The following HLCS variants were observed in gnomAD, a reference collection of about 807,000 sequenced individuals.
HLCS encodes the protein biotin--protein ligase.
In HLCS, 53 loss-of-function variants were observed where a neutral mutation model predicts 75.0. The observed-to-expected ratio is 0.71, with a 90% CI of 0.57 to 0.89. The LOEUF is 0.89. HLCS is among the 40% of genes least tolerant of loss of function. HLCS has a pLI of 0.00. For synonymous variants in HLCS, 431 were observed against 428.6 expected (o/e 1.01, Z -0.07); for missense variants, 966 against 1,074.0 (o/e 0.90, Z 1.41).
At chr21:36,870,169 C>G (rs1048830294) in intron 6 of HLCS, among the ~76,000 whole-genome samples, 4 of 152,120 alleles carry the variant, frequency 2.6e-5, no homozygotes, top group Non-Finnish European at 5.9e-5. Flanking sequence ...CCCAGTACTG[C>G]TATTAGGAGT....
In HLCS at chr21:36,864,028, G is replaced by GA. The variant is rs571483718; in HGVS notation, c.1892+32831dup. ...TTGGGATCAATATTGACATTTAAAT[G>GA]AAACTATTATATCACTCTTGTAAGT... is the stretch of plus-strand genomic sequence containing the variant. On this transcript the variant is annotated intron_variant, in intron 6 of 10. Transcript: ENST00000674895. Among the ~76,000 whole-genome samples the GA allele has an allele frequency of 7.2e-4, 110 of 152,314 alleles. 2 individuals carry two copies. The East Asian group carries it at 0.012, about 17-fold the overall frequency.
intron 6 of HLCS, among the ~76,000 whole-genome samples, chr21:36,837,114 C>T (rs1295828445): frequency 2.6e-5 from 4 of 152,134 alleles, no homozygotes; most frequent in African/African-American, 4.8e-5. Flanking sequence ...ACCTGGGAGG[C>T]GGAGGTTGCA....
intron 6 of HLCS, among the ~76,000 whole-genome samples, chr21:36,795,907 GA>G (rs1369749277): frequency 1.3e-5 from 2 of 152,004 alleles, no homozygotes; most frequent in Non-Finnish European, 2.9e-5. Flanking sequence ...TCATTCAGTG[GA>G]AAAAAGAAAA....
At chr21:36,785,485 C>T (rs1404041670) in intron 6 of HLCS, among the ~76,000 whole-genome samples, 1 of 152,192 alleles carries the variant, frequency 6.6e-6, no homozygotes, top group African/African-American at 2.4e-5. Context: ...CCCTTGAGAC[C>T]TGGGTGGATT....
intron 6 of HLCS, among the ~76,000 whole-genome samples, chr21:36,857,009 T>A (rs1198702698): frequency 6.6e-6 from 1 of 152,252 alleles, no homozygotes; most frequent in African/African-American, 2.4e-5. Flanking sequence ...AAGTCACGCA[T>A]GTCCATTGCA....
intron 5 of HLCS, among the ~76,000 whole-genome samples, chr21:36,910,420 C>T (rs2065649436): frequency 6.6e-6 from 1 of 152,036 alleles, no homozygotes; most frequent in Admixed American, 6.6e-5. Context: ...GTGATGGACA[C>T]CTGTAGTCCC....
At chr21:36,941,065 A>G (rs1047253616) in intron 2 of HLCS, among the ~76,000 whole-genome samples, 1 of 152,198 alleles carries the variant, frequency 6.6e-6, no homozygotes, top group East Asian at 1.9e-4. Flanking sequence ...CACAAAAATT[A>G]GCCAGGCGTT....
At chr21:36,768,841 TAAG>T (rs899630500) in intron 6 of HLCS, among the ~76,000 whole-genome samples, 9 of 152,208 alleles carry the variant, frequency 5.9e-5, no homozygotes, top group Non-Finnish European at 1.2e-4. Flanking sequence ...GCAGAAAATC[TAAG>T]AAGGAGTCTT....
intron 6 of HLCS, 98 bp downstream of exon 6, chr21:36,896,762 T>C: frequency 7.3e-7 from 1 of 1,369,512 alleles, no homozygotes; most frequent in Non-Finnish European, 1.0e-6. Context: ...GTCAAACGTA[T>C]TCCTCTACAA....
chr21:36,854,625 T>TA (rs2063124035), intron 6 of HLCS, among the ~76,000 whole-genome samples: 1 of 152,106 alleles, frequency 6.6e-6, no homozygotes, highest in Non-Finnish European at 1.5e-5. Flanking sequence ...AAGGACCCCA[T>TA]AGCGAGGTCC....
At chr21:36,918,420 C>T (rs1255526366) in intron 5 of HLCS, among the ~76,000 whole-genome samples, 1 of 152,194 alleles carries the variant, frequency 6.6e-6, no homozygotes, top group Non-Finnish European at 1.5e-5. Flanking sequence ...ACGCCATCAG[C>T]TTCAAGCCAA....
chr21:36,815,136 C>T (rs555662687), intron 6 of HLCS, among the ~76,000 whole-genome samples: 2 of 151,676 alleles, frequency 1.3e-5, no homozygotes, highest in African/African-American at 4.8e-5. Flanking sequence ...AAGCAATTCT[C>T]CTGCTTCAGG....
rs1194720952 is a variant in HLCS, at chr21:36,749,785, T to C, written c.*4461A>G. 6.6e-6 allele frequency: 1 copy of C among 152,254 alleles called. No individual in the cohort carries two copies. The highest frequency in any genetic ancestry group is 6.5e-5 in the Admixed American group (1 of 15,286). The allele number at this position is 152,254 out of a possible 1,614,324, so 9.4% of individuals were successfully genotyped here. A position where few individuals can be genotyped will look rare whatever the true frequency, so the allele number is the denominator to read the frequency against. Reference sequence around the variant, plus strand: ...CCACCGACATTTTTCAATAAAGTACTGCAAAATGCTTTTGTGTCTACCTTG... The same window carrying C: ...CCACCGACATTTTTCAATAAAGTACCGCAAAATGCTTTTGTGTCTACCTTG... On this transcript the variant is annotated 3_prime_UTR_variant, in exon 11 of 11. Coordinates refer to ENST00000674895, the MANE Select transcript of HLCS (RefSeq NM_001352514.2).
At chr21:36,933,939 A>C (rs1275982267) in intron 4 of HLCS, among the ~76,000 whole-genome samples, 1 of 152,206 alleles carries the variant, frequency 6.6e-6, no homozygotes. Context: ...CCTGGAGACA[A>C]GGGGGAAGAT....
In HLCS at chr21:36,754,174, A is replaced by G; in HGVS notation, c.*72T>C. ...AATGAATTGGAGGAAAAGAAAATTC[A>G]CCTACAACTCTAAATTAGATTTCCA... is the stretch of plus-strand genomic sequence containing the variant. On this transcript the variant is annotated 3_prime_UTR_variant, in exon 11 of 11. Transcript: ENST00000674895. 7.0e-7 allele frequency: 1 copy of G among 1,431,092 alleles called. No individual in the cohort carries two copies. The highest frequency in any genetic ancestry group is 1.8e-5 in the Admixed American group (1 of 56,870). The allele number at this position is 1,431,092 out of a possible 1,614,324, so 88.6% of individuals were successfully genotyped here. A position where few individuals can be genotyped will look rare whatever the true frequency, so the allele number is the denominator to read the frequency against.
chr21:36,894,763 G>A (rs892906233), intron 6 of HLCS, among the ~76,000 whole-genome samples: 3 of 151,966 alleles, frequency 2.0e-5, no homozygotes, highest in African/African-American at 2.4e-5. Flanking sequence ...TTAACCCTAT[G>A]GGAGGTTCCA....
chr21:36,761,806 G>A (rs2089855176), intron 8 of HLCS, among the ~76,000 whole-genome samples: 1 of 152,142 alleles, frequency 6.6e-6, no homozygotes, highest in African/African-American at 2.4e-5. Context: ...ATCCCCCTGT[G>A]CCCACCACAT....
intron 10 of HLCS, among the ~76,000 whole-genome samples, chr21:36,755,589 C>T (rs1041107418): frequency 1.3e-5 from 2 of 152,164 alleles, no homozygotes; most frequent in Non-Finnish European, 2.9e-5. Context: ...TTTTAATATC[C>T]TTTGTGGCTA....
intron 5 of HLCS, among the ~76,000 whole-genome samples, chr21:36,910,582 T>C (rs538593059): frequency 6.6e-6 from 1 of 150,832 alleles, no homozygotes; most frequent in East Asian, 1.9e-4. Flanking sequence ...AATAGGACTA[T>C]TTTTTTTTCC....
Sources: gnomAD v4.1 joint callset for allele counts (sites outside exome capture counted in the v4.1 genomes callset) on GRCh38, gnomAD v4.1.1 for gene constraint, MANE v1.5 for transcripts, NCBI Gene and HGNC (gene_info 2026-07-23, HGNC 2026-07-21) for gene names.